Variants in GRIN2A observed in about 807,000 individuals in gnomAD.
GRIN2A encodes glutamate receptor ionotropic, NMDA 2A.
In GRIN2A, 22 loss-of-function variants were observed where a neutral mutation model predicts 113.4. That is an observed-to-expected ratio of 0.19 (90% CI 0.14 to 0.28). The LOEUF is 0.28. Ranked by LOEUF, GRIN2A falls within the 10% of genes least tolerant of loss-of-function variation. GRIN2A has a pLI of 1.00. For missense variants in GRIN2A, 1,502 were observed against 1,887.0 expected (o/e 0.80, Z 3.78); for synonymous variants, 827 against 738.4 (o/e 1.12, Z -1.94).
In GRIN2A at chr16:9,798,613, G is replaced by T. The variant is rs548394406; in HGVS notation, c.2169-149C>A. The stretch of plus-strand genomic sequence containing the variant: ...CCTCTCCATCCCCTCATCATAAAAG[G>T]ATCTATTTTTAATGAGGAGATAAAA... On this transcript the variant is annotated intron_variant, in intron 10 of 12. Coordinates refer to ENST00000330684, the MANE Select transcript of GRIN2A (RefSeq NM_001134407.3). The T allele has an allele frequency of 2.2e-5, 14 of 622,800 alleles. No homozygotes were observed. The Admixed American group carries it at 2.9e-4, about 13-fold the overall frequency. The allele number at this position is 622,800 out of a possible 1,614,324, so 38.6% of individuals were successfully genotyped here. A position where few individuals can be genotyped will look rare whatever the true frequency, so the allele number is the denominator to read the frequency against.
intron 2 of GRIN2A, among the ~76,000 whole-genome samples, chr16:9,980,552 G>A (rs1340182408): frequency 1.3e-5 from 2 of 152,126 alleles, no homozygotes; most frequent in East Asian, 3.9e-4. Context: ...GTTTACTGCG[G>A]TACTATTCAC....
intron 2 of GRIN2A, among the ~76,000 whole-genome samples, chr16:10,000,549 G>A (rs1303799821): frequency 1.3e-5 from 2 of 151,884 alleles, no homozygotes; most frequent in Non-Finnish European, 2.9e-5. Flanking sequence ...ACTATTAATA[G>A]TCTATAGAGT....
intron 2 of GRIN2A, among the ~76,000 whole-genome samples, chr16:10,008,214 C>T (rs1320952566): frequency 6.6e-6 from 1 of 152,110 alleles, no homozygotes; most frequent in East Asian, 1.9e-4. Context: ...CAGTGCCTTC[C>T]CCAATCCCCT....
At chr16:10,144,325 G>A (rs2049387460) in intron 2 of GRIN2A, among the ~76,000 whole-genome samples, 1 of 152,116 alleles carries the variant, frequency 6.6e-6, no homozygotes, top group South Asian at 2.1e-4. Context: ...GTTATCTTTG[G>A]TCATTTTTAT....
chr16:9,804,248 T>C (rs2041922562), intron 10 of GRIN2A, among the ~76,000 whole-genome samples: 1 of 152,180 alleles, frequency 6.6e-6, no homozygotes, highest in Non-Finnish European at 1.5e-5. Context: ...TGTGGACCAA[T>C]GGCATTTGGA....
chr16:9,906,376 C>A lies in GRIN2A; in HGVS notation c.1008-15276G>T, dbSNP rs551578643. ...GATTTTCCACTTCTTAGCTTTTGTT[C>A]CTACACCTCCCTCCACTGGAAATGC... is the stretch of plus-strand genomic sequence containing the variant. On this transcript the variant is annotated intron_variant, in intron 3 of 12. Coordinates refer to ENST00000330684, the MANE Select transcript of GRIN2A (RefSeq NM_001134407.3). Among the ~76,000 whole-genome samples, 31 of 152,298 alleles carry A rather than the reference C, an allele frequency of 2.0e-4. 1 individual carries two copies. In the South Asian group the frequency reaches 6.2e-3, roughly 31 times the overall value.
At chr16:10,036,508 G>C (rs8061154) in intron 2 of GRIN2A, among the ~76,000 whole-genome samples, 1,393 of 136,754 alleles carry the variant, frequency 0.01, 38 homozygotes, top group African/African-American at 0.037. Context: ...ACCCAGGCTG[G>C]AGTGCAGTGG....
rs766980438 is a variant in GRIN2A, at chr16:9,763,998, G to A, written c.3546C>T (p.Asp1182=). Residue 1182 remains aspartate (D), a synonymous_variant, in exon 13 of 13, where the codon GAC becomes GAT. Transcript: ENST00000330684. ...LHNEEGLSNN[D]QYKLYSKHFT... ...AGTGCTTGGAGTAGAGTTTATACTG[G>A]TCGTTGTTGGAAAGCCCCTCTTCAT... The A allele has an allele frequency of 1.9e-6, 3 of 1,614,136 alleles. No homozygotes were observed. The highest frequency in any genetic ancestry group is 2.5e-6 in the Non-Finnish European group (3 of 1,180,018).
intron 2 of GRIN2A, among the ~76,000 whole-genome samples, chr16:9,997,620 C>T (rs2046249414): frequency 6.6e-6 from 1 of 152,084 alleles, no homozygotes; most frequent in Non-Finnish European, 1.5e-5. Flanking sequence ...CCACTCAAAC[C>T]TCTGTCTATG....
chr16:9,833,802 C>T (rs2042539972), intron 8 of GRIN2A, among the ~76,000 whole-genome samples: 1 of 152,190 alleles, frequency 6.6e-6, no homozygotes, highest in Non-Finnish European at 1.5e-5. Flanking sequence ...TCACTGCAAC[C>T]TCTGCCTCCT....
rs564089241 is a variant in GRIN2A, at chr16:9,806,852, C to T, written c.2169-8388G>A. 2.6e-5 allele frequency among the ~76,000 whole-genome samples: 4 copies of T among 152,006 alleles called. No homozygotes were observed. In the East Asian group the frequency reaches 7.8e-4, roughly 30 times the overall value. ...ACAGTGATATGGTTTGTCTGTGTGC[C>T]CACCCAAATCTCATCTTGAATTGTA... On this transcript the variant is annotated intron_variant, in intron 10 of 12. Coordinates refer to ENST00000330684, the MANE Select transcript of GRIN2A (RefSeq NM_001134407.3).
At chr16:9,960,246 A>G (rs1481772689) in intron 2 of GRIN2A, among the ~76,000 whole-genome samples, 1 of 152,266 alleles carries the variant, frequency 6.6e-6, no homozygotes, top group Non-Finnish European at 1.5e-5. Flanking sequence ...CACAGAGTTT[A>G]TAACAACCTA....
intron 2 of GRIN2A, among the ~76,000 whole-genome samples, chr16:10,039,131 A>T (rs2047093514): frequency 6.8e-6 from 1 of 147,856 alleles, no homozygotes. Flanking sequence ...ATCCCCTCCC[A>T]CCCCCCAATG....
intron 4 of GRIN2A, among the ~76,000 whole-genome samples, chr16:9,880,759 T>C (rs1244575957): frequency 5.9e-5 from 9 of 152,196 alleles, no homozygotes; most frequent in East Asian, 5.8e-4. Flanking sequence ...CTCACACATA[T>C]TCAGAAATCC....
chr16:9,975,632 C>G (rs1184689223), intron 2 of GRIN2A, among the ~76,000 whole-genome samples: 1 of 152,136 alleles, frequency 6.6e-6, no homozygotes. Flanking sequence ...ACATGAAAAA[C>G]AGAGGGGAAA....
At position 9,764,039 on chromosome 16, in the gene GRIN2A, G is replaced by A. The variant is rs369878342; in HGVS notation, c.3505C>T (p.Arg1169Trp). 7.9e-5 allele frequency: 127 copies of A among 1,613,998 alleles called. 1 individual carries two copies. Among genetic ancestry groups the A allele is most frequent in the Admixed American group, 1.3e-4 (8 of 60,022 alleles). The change falls in exon 13 of 13, where the codon CGG becomes TGG. Residue 1169 changes from arginine (R) to tryptophan (W), a missense_variant. This residue lies in a region of GRIN2A where 832 missense variants were observed against 789.7 expected (regional missense o/e 1.05). Transcript: ENST00000330684. ...CCCTCTTCATTATGCAAGGGGTTCC[G>A]GTTCATTGGCAGCGTGGAGTCCCCC... Reference protein sequence around the residue: ...RKGDSTLPMNRNPLHNEEGLS... With the variant: ...RKGDSTLPMNWNPLHNEEGLS...
chr16:10,174,517 G>A (rs1285899131), intron 2 of GRIN2A, among the ~76,000 whole-genome samples: 2 of 152,222 alleles, frequency 1.3e-5, no homozygotes, highest in East Asian at 1.9e-4. Context: ...AAAGATGCTA[G>A]AGCAATCAGA....
Position 9,764,897 on chromosome 16 carries a change from G to C in GRIN2A, c.2647C>G (p.Pro883Ala), listed in dbSNP as rs770982536. 73 of 1,613,820 alleles carry C rather than the reference G, an allele frequency of 4.5e-5. No homozygotes were observed. Among genetic ancestry groups the C allele is most frequent in the Non-Finnish European group, 6.1e-5 (72 of 1,179,698 alleles). ...GVHIEEKKKS[P>A]DFNLTGSQSN... ...TGGGATCCCGTCAGATTGAAGTCTGGAGACTTCTTCTTTTCTTCAATGTGC... is the reference window on the plus strand; with the variant it reads ...TGGGATCCCGTCAGATTGAAGTCTGCAGACTTCTTCTTTTCTTCAATGTGC... Residue 883 changes from proline (P) to alanine (A), a missense_variant, in exon 13 of 13, where the codon CCA becomes GCA. Coordinates refer to ENST00000330684, the MANE Select transcript of GRIN2A (RefSeq NM_001134407.3).
At chr16:10,134,188 G>A (rs1326884813) in intron 2 of GRIN2A, among the ~76,000 whole-genome samples, 2 of 96,670 alleles carry the variant, frequency 2.1e-5, no homozygotes, top group Non-Finnish European at 3.9e-5. Context: ...GTGAGACACT[G>A]TTTCCAGAAA....
Sources: allele counts gnomAD v4.1 joint callset (sites outside exome capture counted in the v4.1 genomes callset), GRCh38; gene constraint gnomAD v4.1.1; regional missense constraint gnomAD v4.1.1; transcripts MANE v1.5; gene names NCBI Gene and HGNC (gene_info 2026-07-23, HGNC 2026-07-21).